Variants in CNTN5 observed in about 807,000 individuals in gnomAD.
CNTN5 encodes contactin-5.
In CNTN5, 77 loss-of-function variants were observed where a neutral mutation model predicts 129.1. The observed-to-expected ratio is 0.60, with a 90% CI of 0.50 to 0.72. The LOEUF (loss-of-function observed/expected upper bound fraction) is 0.72, where lower values mean the gene tolerates loss of function less well. Ranked by LOEUF, CNTN5 falls within the 30% of genes least tolerant of loss-of-function variation. The pLI is 0.00. For synonymous variants in CNTN5, 509 were observed against 465.6 expected (o/e 1.09, Z -1.20); for missense variants, 1,478 against 1,328.8 (o/e 1.11, Z -1.75).
chr11:99,777,461 C>T lies in CNTN5; in HGVS notation c.56-42083C>T, dbSNP rs180986864. ...AAATTAAGAGAGTAAACGATGCTAA[C>T]ACAATGTCTCAATTTCAAAAATAAC... On this transcript the variant is annotated intron_variant, in intron 3 of 24. Coordinates refer to ENST00000524871, the MANE Select transcript of CNTN5 (RefSeq NM_014361.4). 3.9e-5 allele frequency among the ~76,000 whole-genome samples: 6 copies of T among 151,974 alleles called. No homozygotes were observed. In the East Asian group the frequency reaches 1.2e-3, roughly 30 times the overall value.
chr11:99,061,721 T>C (rs1483433154), intron 1 of CNTN5, among the ~76,000 whole-genome samples: 1 of 152,084 alleles, frequency 6.6e-6, no homozygotes, highest in Non-Finnish European at 1.5e-5. Context: ...TCAGGTGCAG[T>C]GGCCCCACGG....
intron 3 of CNTN5, among the ~76,000 whole-genome samples, chr11:99,573,758 T>C (rs1018116099): frequency 2.6e-5 from 4 of 151,842 alleles, no homozygotes; most frequent in Admixed American, 6.6e-5. Context: ...GACCATTTCC[T>C]TTTTTGTCTT....
chr11:100,179,378 T>C (rs1948068855), intron 13 of CNTN5, among the ~76,000 whole-genome samples: 1 of 152,096 alleles, frequency 6.6e-6, no homozygotes, highest in Admixed American at 6.6e-5. Context: ...AGAGAAAACT[T>C]CTATGGAATA....
chr11:100,235,456 T>C (rs962757211), intron 16 of CNTN5, among the ~76,000 whole-genome samples: 2 of 152,198 alleles, frequency 1.3e-5, no homozygotes, highest in Non-Finnish European at 2.9e-5. Flanking sequence ...GCGAGGAGTA[T>C]GCTGAGGGAG....
rs151037392 is a variant in CNTN5 at position 99,704,296 on chromosome 11, C to T, written c.56-115248C>T. On this transcript the variant is annotated intron_variant, in intron 3 of 24. Transcript: ENST00000524871. The stretch of plus-strand genomic sequence containing the variant: ...TCACACAGGAACTTATTAAATGCCA[C>T]GTTAAATGATTACAAAATTGATATG... Among the ~76,000 whole-genome samples the T allele has an allele frequency of 1.8e-3, 267 of 150,826 alleles. 1 individual carries two copies. Among genetic ancestry groups the T allele is most frequent in the African/African-American group, 6.2e-3 (256 of 41,312 alleles).
At chr11:99,973,978 A>G (rs539766415) in intron 8 of CNTN5, among the ~76,000 whole-genome samples, 1 of 152,342 alleles carries the variant, frequency 6.6e-6, no homozygotes, top group Admixed American at 6.5e-5. Context: ...AGTTATACCA[A>G]TATAATCCTG....
Position 99,250,595 on chromosome 11 carries a change from A to G in CNTN5, c.-209-74751A>G, listed in dbSNP as rs1039994766. On this transcript the variant is annotated intron_variant, in intron 1 of 24. Coordinates refer to ENST00000524871, the MANE Select transcript of CNTN5 (RefSeq NM_014361.4). ...TCATGCTGAATTTTTTTTCCACTTA[A>G]ATTCTGATGTACTTGTTTAAGATAG... Among the ~76,000 whole-genome samples, 21 of 151,962 alleles carry G rather than the reference A, an allele frequency of 1.4e-4. No homozygotes were observed. In the East Asian group the frequency reaches 2.5e-3, roughly 18 times the overall value.
At chr11:99,755,744 T>G (rs1455716208) in intron 3 of CNTN5, among the ~76,000 whole-genome samples, 2 of 152,080 alleles carry the variant, frequency 1.3e-5, no homozygotes, top group East Asian at 3.9e-4. Context: ...TAATGGGAAT[T>G]AGAGACCCTG....
At chr11:100,188,012 G>T (rs1948355050) in intron 13 of CNTN5, among the ~76,000 whole-genome samples, 1 of 152,078 alleles carries the variant, frequency 6.6e-6, no homozygotes, top group Non-Finnish European at 1.5e-5. Flanking sequence ...CTGCAGAATG[G>T]GAGAAAATAT....
At chr11:99,383,799 T>C (rs1940752479) in intron 2 of CNTN5, among the ~76,000 whole-genome samples, 1 of 152,172 alleles carries the variant, frequency 6.6e-6, no homozygotes, top group African/African-American at 2.4e-5. Flanking sequence ...GATTATCTGA[T>C]GATAATGACA....
intron 13 of CNTN5, among the ~76,000 whole-genome samples, chr11:100,086,726 G>GA (rs960397331): frequency 6.6e-6 from 1 of 151,128 alleles, no homozygotes; most frequent in African/African-American, 2.4e-5. Context: ...TTAATAATGG[G>GA]AAAAAATGAA....
intron 3 of CNTN5, among the ~76,000 whole-genome samples, chr11:99,562,919 C>T (rs1472875893): frequency 2.6e-5 from 4 of 151,916 alleles, no homozygotes; most frequent in Non-Finnish European, 4.4e-5. Flanking sequence ...GGAAGATGAC[C>T]GAGCTAAAAG....
intron 1 of CNTN5, among the ~76,000 whole-genome samples, chr11:99,099,021 T>C (rs1866600293): frequency 6.6e-6 from 1 of 152,166 alleles, no homozygotes; most frequent in East Asian, 1.9e-4. Context: ...TGTGCACTGT[T>C]ACAAATCACT....
intron 13 of CNTN5, among the ~76,000 whole-genome samples, chr11:100,140,955 C>T (rs1643024744): frequency 6.6e-6 from 1 of 152,082 alleles, no homozygotes. Context: ...CAGCTGCCAT[C>T]CTTATGGGCA....
At chr11:99,551,825 T>A (rs1948494033) in intron 2 of CNTN5, among the ~76,000 whole-genome samples, 1 of 152,108 alleles carries the variant, frequency 6.6e-6, no homozygotes, top group Admixed American at 6.6e-5. Context: ...GGGAACATCA[T>A]CATATATGCA....
At chr11:99,401,385 A>G (rs962606152) in intron 2 of CNTN5, among the ~76,000 whole-genome samples, 1 of 151,996 alleles carries the variant, frequency 6.6e-6, no homozygotes, top group Non-Finnish European at 1.5e-5. Flanking sequence ...AAATGAATTC[A>G]CTGTAGGTAT....
At chr11:99,074,754 C>T (rs1157938891) in intron 1 of CNTN5, among the ~76,000 whole-genome samples, 1 of 152,160 alleles carries the variant, frequency 6.6e-6, no homozygotes, top group Non-Finnish European at 1.5e-5. Flanking sequence ...ATTGCTAGTG[C>T]AATTCATTTC....
At chr11:99,526,921 C>T (rs573507692) in intron 2 of CNTN5, among the ~76,000 whole-genome samples, 2 of 152,184 alleles carry the variant, frequency 1.3e-5, no homozygotes, top group East Asian at 1.9e-4. Flanking sequence ...AGAGAGAAAC[C>T]TTTACACCAT....
chr11:100,025,670 C>A (rs1030647591), intron 9 of CNTN5, among the ~76,000 whole-genome samples: 4 of 152,212 alleles, frequency 2.6e-5, no homozygotes, highest in Non-Finnish European at 4.4e-5. Flanking sequence ...TTTGCTTCAG[C>A]ATGACCTGGA....
Sources: gnomAD v4.1 joint callset for allele counts (sites outside exome capture counted in the v4.1 genomes callset) on GRCh38, gnomAD v4.1.1 for gene constraint, MANE v1.5 for transcripts, NCBI Gene and HGNC (gene_info 2026-07-23, HGNC 2026-07-21) for gene names.